Variants in PTP4A1 observed in about 807,000 individuals in gnomAD.
PTP4A1 encodes the protein protein tyrosine phosphatase 4A1.
Under a neutral mutation model 20.5 loss-of-function variants are expected in PTP4A1, and 9 were observed. The ratio of observed to expected loss-of-function variants is 0.44; its 90% confidence interval spans 0.26 to 0.77. The LOEUF (loss-of-function observed/expected upper bound fraction) is 0.77. Ranked by LOEUF, PTP4A1 falls within the 30% of genes least tolerant of loss-of-function variation. The probability of loss-of-function intolerance (pLI) is 0.19; values close to 1 mark genes in which losing one functional copy is unlikely to be tolerated. For synonymous variants in PTP4A1, 78 were observed against 67.4 expected, an observed-to-expected ratio of 1.16 and a Z score of -0.77; for missense variants, 137 against 218.8, an observed-to-expected ratio of 0.63 and a Z score of 2.36.
At chr6:63,529,819 C>G (rs768042550) in intron 2 of PTP4A1, among the ~76,000 whole-genome samples, 1 of 151,942 alleles carries the variant, frequency 6.6e-6, no homozygotes, top group Non-Finnish European at 1.5e-5. Context: ...AAAATACGTG[C>G]GTAAGAGGAA....
At chr6:63,519,140 T>C (rs1774832409), upstream of PTP4A1, among the ~76,000 whole-genome samples, 1 of 152,092 alleles carries the variant, frequency 6.6e-6, no homozygotes, top group Admixed American at 6.6e-5. Context: ...AAACCCCATC[T>C]CTACTAAAAT....
chr6:63,574,740 T>C (rs1253660044), intron 1 of PTP4A1, among the ~76,000 whole-genome samples: 2 of 152,344 alleles, frequency 1.3e-5, no homozygotes, highest in Admixed American at 6.5e-5. Flanking sequence ...TATAAAGCTT[T>C]TAAAGATCAT....
rs575114108 is a variant in PTP4A1, at chr6:63,576,791, G to C, written c.-90G>C. ...CTGAGAATTTCAAGTGGAGTATATT[G>C]AAGTAGACTTCAGTTTCTTTGCATC... is the stretch of plus-strand genomic sequence containing the variant. On this transcript the variant is annotated 5_prime_UTR_variant, in exon 2 of 6. Transcript: ENST00000626021. 24 of 1,014,950 alleles carry C rather than the reference G, an allele frequency of 2.4e-5. No individual in the cohort carries two copies. Among genetic ancestry groups the C allele is most frequent in the Non-Finnish European group, 3.0e-5 (20 of 675,330 alleles). 62.9% of individuals were successfully genotyped at this position (1,014,950 alleles called of 1,614,324 possible). A position where few individuals can be genotyped will look rare whatever the true frequency, so the allele number is the denominator to read the frequency against.
upstream of PTP4A1, among the ~76,000 whole-genome samples, chr6:63,521,114 C>A (rs1042071351): frequency 2.6e-5 from 4 of 151,758 alleles, no homozygotes; most frequent in African/African-American, 4.8e-5. Context: ...GGAGAGCATG[C>A]GGGGCTTAAA....
intron 2 of PTP4A1, among the ~76,000 whole-genome samples, chr6:63,533,788 T>A (rs900163558): frequency 2.0e-5 from 3 of 152,076 alleles, no homozygotes; most frequent in African/African-American, 4.8e-5. Context: ...GGATTTTTTT[T>A]AAAGTTACAC....
chr6:63,572,795 T>C (rs2149507363), intron 1 of PTP4A1, 76 bp downstream of exon 1: 1 of 397,684 alleles, frequency 2.5e-6, no homozygotes, highest in East Asian at 3.6e-5. Flanking sequence ...TCGCCTTTGT[T>C]CGGAGCCCGG....
intron 1 of PTP4A1, among the ~76,000 whole-genome samples, chr6:63,527,210 C>CT (rs1160570543): frequency 1.3e-5 from 2 of 152,130 alleles, no homozygotes; most frequent in East Asian, 3.9e-4. Context: ...CTTTGAAGTG[C>CT]TATAGCAGTT....
At position 63,581,401 on chromosome 6, in the gene PTP4A1, A is replaced by C. The variant is rs1447453559; in HGVS notation, c.*1227A>C. 1 of 152,592 alleles carries C rather than the reference A, an allele frequency of 6.6e-6. No individual in the cohort carries two copies. Among genetic ancestry groups the C allele is most frequent in the African/African-American group, 2.4e-5 (1 of 41,452 alleles). The allele number at this position is 152,592 out of a possible 1,614,324, so 9.5% of individuals were successfully genotyped here. ...TTTGTCAGTGTTCACCAGCTTGTAA[A>C]AACTTAGTGCGAGAGCTGAAACATC... On this transcript the variant is annotated 3_prime_UTR_variant, in exon 6 of 6. Transcript: ENST00000626021.
At chr6:63,531,992 G>C (rs1224755159) in intron 2 of PTP4A1, among the ~76,000 whole-genome samples, 1 of 152,032 alleles carries the variant, frequency 6.6e-6, no homozygotes, top group Non-Finnish European at 1.5e-5. Flanking sequence ...GTAGAGACGG[G>C]GTTTCACCAT....
At chr6:63,568,694 T>C (rs1279509723), upstream of PTP4A1, among the ~76,000 whole-genome samples, 1 of 151,842 alleles carries the variant, frequency 6.6e-6, no homozygotes, top group Non-Finnish European at 1.5e-5. Context: ...GCACAATAAA[T>C]GAAGGTATGC....
chr6:63,564,925 C>T (rs1365941928), intron 3 of PTP4A1, among the ~76,000 whole-genome samples: 4 of 152,164 alleles, frequency 2.6e-5, no homozygotes, highest in Non-Finnish European at 2.9e-5. Context: ...CATAATAAGT[C>T]CTTTATTCAG....
At chr6:63,525,375 C>G (rs558366572) in intron 1 of PTP4A1, among the ~76,000 whole-genome samples, 1 of 152,188 alleles carries the variant, frequency 6.6e-6, no homozygotes, top group Non-Finnish European at 1.5e-5. Flanking sequence ...AGAGAGAGAA[C>G]AGACGGGAGG....
chr6:63,576,797 G>A lies in PTP4A1; in HGVS notation c.-84G>A. The A allele has an allele frequency of 9.3e-7, 1 of 1,079,700 alleles. No individual in the cohort carries two copies. Among genetic ancestry groups the A allele is most frequent in the Non-Finnish European group, 1.4e-6 (1 of 729,456 alleles). The allele number at this position is 1,079,700 out of a possible 1,614,324, so 66.9% of individuals were successfully genotyped here. A position where few individuals can be genotyped will look rare whatever the true frequency, so the allele number is the denominator to read the frequency against. The stretch of plus-strand genomic sequence containing the variant: ...ATTTCAAGTGGAGTATATTGAAGTA[G>A]ACTTCAGTTTCTTTGCATCATTTCT... On this transcript the variant is annotated 5_prime_UTR_variant, in exon 2 of 6. Transcript: ENST00000626021.
At chr6:63,535,411 T>C (rs1025535944) in intron 2 of PTP4A1, among the ~76,000 whole-genome samples, 7 of 152,088 alleles carry the variant, frequency 4.6e-5, no homozygotes, top group African/African-American at 1.7e-4. Flanking sequence ...GAGGTTGCAG[T>C]GACCCGAGAT....
chr6:63,574,714 T>G (rs549943208), intron 1 of PTP4A1, among the ~76,000 whole-genome samples: 2 of 152,302 alleles, frequency 1.3e-5, no homozygotes, highest in East Asian at 3.9e-4. Context: ...GAAATTAGAA[T>G]ACTGTGATGA....
At chr6:63,578,333 T>C in intron 2 of PTP4A1, 104 bp from the exon 3 acceptor site, 1 of 1,284,000 alleles carries the variant, frequency 7.8e-7, no homozygotes, top group Non-Finnish European at 1.0e-6. Context: ...AATGATCTTC[T>C]GTTAACCAGC....
At chr6:63,565,545 A>C (rs1777158282) in intron 3 of PTP4A1, among the ~76,000 whole-genome samples, 1 of 152,198 alleles carries the variant, frequency 6.6e-6, no homozygotes, top group African/African-American at 2.4e-5. Flanking sequence ...GTTACTTCTG[A>C]TCCAGCAGGA....
intron 3 of PTP4A1, among the ~76,000 whole-genome samples, chr6:63,563,434 C>T (rs1308216478): frequency 6.6e-6 from 1 of 152,182 alleles, no homozygotes; most frequent in Non-Finnish European, 1.5e-5. Context: ...CTCTCTTCCT[C>T]CCCCTCTTTT....
intron 3 of PTP4A1, among the ~76,000 whole-genome samples, chr6:63,552,793 A>G (rs933290162): frequency 6.6e-6 from 1 of 151,994 alleles, no homozygotes; most frequent in Non-Finnish European, 1.5e-5. Flanking sequence ...AAATAGGGAA[A>G]CCTTTCCCCA....
Sources: allele counts gnomAD v4.1 joint callset (sites outside exome capture counted in the v4.1 genomes callset), GRCh38; gene constraint gnomAD v4.1.1; transcripts MANE v1.5; gene names NCBI Gene and HGNC (gene_info 2026-07-23, HGNC 2026-07-21).